Variants in SLC7A11 observed in about 807,000 individuals in gnomAD.
SLC7A11 encodes the protein solute carrier family 7 member 11.
SLC7A11 carries 35 observed loss-of-function variants against 54.5 expected under a neutral mutation model. The ratio of observed to expected loss-of-function variants is 0.64; its 90% confidence interval spans 0.49 to 0.85. The LOEUF (loss-of-function observed/expected upper bound fraction) is 0.85. Ranked by LOEUF, SLC7A11 falls within the 40% of genes least tolerant of loss-of-function variation. SLC7A11 has a pLI of 0.00. For missense variants in SLC7A11, 583 were observed against 618.1 expected, an observed-to-expected ratio of 0.94 and a Z score of 0.60; for synonymous variants, 230 against 225.2, an observed-to-expected ratio of 1.02 and a Z score of -0.19.
intron 3 of SLC7A11, 73 bp from the exon 4 acceptor site, chr4:138,223,397 C>A: frequency 6.6e-7 from 1 of 1,516,880 alleles, no homozygotes; most frequent in Non-Finnish European, 9.1e-7. Context: ...CCTTGTTACT[C>A]AAAGGGCAAT....
At chr4:138,198,919 A>C (rs1384853446) in intron 6 of SLC7A11, among the ~76,000 whole-genome samples, 1 of 152,134 alleles carries the variant, frequency 6.6e-6, no homozygotes, top group Non-Finnish European at 1.5e-5. Context: ...ATAAAATGAC[A>C]TGAAATGAAG....
At chr4:138,205,507 T>C (rs934707615) in intron 6 of SLC7A11, among the ~76,000 whole-genome samples, 1 of 152,216 alleles carries the variant, frequency 6.6e-6, no homozygotes, top group Non-Finnish European at 1.5e-5. Context: ...GCATCTTGTC[T>C]CTACCCTTAG....
In SLC7A11 at chr4:138,197,735, G is replaced by A. The variant is rs1208199256; in HGVS notation, c.792-12491C>T. On this transcript the variant is annotated intron_variant, in intron 6 of 11. Coordinates refer to ENST00000280612, the MANE Select transcript of SLC7A11 (RefSeq NM_014331.4). ...GTTATACTCAATGTTGACTTATTCA[G>A]AGAAAAATAATAATAATTGAGGCTA... 2.0e-5 allele frequency among the ~76,000 whole-genome samples: 3 copies of A among 151,814 alleles called. No individual in the cohort carries two copies. In the East Asian group the frequency reaches 5.8e-4, roughly 29 times the overall value.
chr4:138,233,172 T>G (rs1738122416), intron 2 of SLC7A11, among the ~76,000 whole-genome samples: 1 of 149,668 alleles, frequency 6.7e-6, no homozygotes, highest in South Asian at 2.1e-4. Context: ...TGCAAGTCTG[T>G]GCAATTATCT....
chr4:138,191,507 G>A (rs1737012987), intron 6 of SLC7A11, among the ~76,000 whole-genome samples: 1 of 152,062 alleles, frequency 6.6e-6, no homozygotes, highest in East Asian at 1.9e-4. Flanking sequence ...ATGCATAAAG[G>A]AAGGAGAAAA....
At chr4:138,197,912 A>G (rs1172224233) in intron 6 of SLC7A11, among the ~76,000 whole-genome samples, 1 of 150,902 alleles carries the variant, frequency 6.6e-6, no homozygotes, top group African/African-American at 2.4e-5. Flanking sequence ...TATTATTATA[A>G]TGACAAGTAT....
intron 11 of SLC7A11, chr4:138,176,861 T>C (rs1291884314): frequency 6.6e-6 from 1 of 152,136 alleles, no homozygotes; most frequent in East Asian, 1.9e-4. Flanking sequence ...TGGTATTTAA[T>C]AAGATCCCTT....
At chr4:138,241,369 G>T (rs1738372092) in intron 1 of SLC7A11, among the ~76,000 whole-genome samples, 1 of 152,128 alleles carries the variant, frequency 6.6e-6, no homozygotes, top group Admixed American at 6.6e-5. Flanking sequence ...GACTTCTGCT[G>T]AACACTCCGT....
intron 2 of SLC7A11, among the ~76,000 whole-genome samples, chr4:138,233,573 T>G (rs1738134636): frequency 6.6e-6 from 1 of 152,120 alleles, no homozygotes; most frequent in South Asian, 2.1e-4. Context: ...CCATAGATTA[T>G]CAGAAAACCA....
At chr4:138,229,204 C>T (rs1055350044) in intron 3 of SLC7A11, among the ~76,000 whole-genome samples, 1 of 152,190 alleles carries the variant, frequency 6.6e-6, no homozygotes, top group Non-Finnish European at 1.5e-5. Flanking sequence ...TCTTGGTTAA[C>T]CTTCCACCCC....
intron 1 of SLC7A11, among the ~76,000 whole-genome samples, chr4:138,240,548 AG>A (rs1738351025): frequency 7.4e-6 from 1 of 135,286 alleles, no homozygotes; most frequent in Non-Finnish European, 1.6e-5. Context: ...GCCTGGGCAA[AG>A]AGCGAGTCTC....
rs1322618177 is a variant in SLC7A11 at position 138,179,199 on chromosome 4, A to C, written c.1444+18T>G. On this transcript the variant is annotated intron_variant, in intron 11 of 11. Transcript: ENST00000280612. ...ACATGGTGTTGCACAATGTCCTGAA[A>C]GTATTTAAAATTCTTACCCGACATT... 6.5e-7 allele frequency: 1 copy of C among 1,541,322 alleles called. No individual in the cohort carries two copies. The highest frequency in any genetic ancestry group is 1.1e-5 in the South Asian group (1 of 89,420).
intron 6 of SLC7A11, among the ~76,000 whole-genome samples, chr4:138,197,326 T>A (rs958710379): frequency 2.0e-5 from 3 of 152,124 alleles, no homozygotes; most frequent in Non-Finnish European, 4.4e-5. Flanking sequence ...TGTTAAGAAG[T>A]ATTCTGAAAA....
rs1194926653 is a variant in SLC7A11 at position 138,164,836 on chromosome 4, G to T, written c.*7120C>A. ...AAACCCACGATGCCCCTGAAATTCT[G>T]GGAATGGTACAAGGTCATAACTAAT... On this transcript the variant is annotated 3_prime_UTR_variant, in exon 12 of 12. Transcript: ENST00000280612. 3 of 151,982 alleles carry T rather than the reference G, an allele frequency of 2.0e-5. No individual in the cohort carries two copies. The highest frequency in any genetic ancestry group is 4.4e-5 in the Non-Finnish European group (3 of 67,992). The allele number at this position is 151,982 out of a possible 1,614,324, so 9.4% of individuals were successfully genotyped here. A position where few individuals can be genotyped will look rare whatever the true frequency, so the allele number is the denominator to read the frequency against.
intron 5 of SLC7A11, 36 bp downstream of exon 5, chr4:138,219,230 C>T (rs755267861): frequency 8.3e-7 from 1 of 1,210,410 alleles, no homozygotes. Context: ...GATTAATGAA[C>T]TACGCAAACC....
intron 5 of SLC7A11, among the ~76,000 whole-genome samples, chr4:138,214,907 G>A (rs144804527): frequency 2.5e-3 from 380 of 152,316 alleles, no homozygotes; most frequent in African/African-American, 8.9e-3. Context: ...GTGTGATACA[G>A]TGCAGGTCCA....
chr4:138,191,047 G>A (rs1329158379), intron 6 of SLC7A11, among the ~76,000 whole-genome samples: 1 of 152,088 alleles, frequency 6.6e-6, no homozygotes, highest in Non-Finnish European at 1.5e-5. Flanking sequence ...AAGAGACATA[G>A]CACATAGTTG....
intron 5 of SLC7A11, among the ~76,000 whole-genome samples, chr4:138,217,962 A>G (rs991780799): frequency 2.6e-5 from 4 of 152,258 alleles, no homozygotes; most frequent in African/African-American, 4.8e-5. Flanking sequence ...ATGCTTACAT[A>G]TAATGGTTAT....
chr4:138,237,739 T>A (rs13434884), intron 1 of SLC7A11, among the ~76,000 whole-genome samples: 295 of 9,044 alleles, frequency 0.033, no homozygotes, highest in South Asian at 0.039. Flanking sequence ...ATATATATAT[T>A]TTTTTTTTTT....
Sources: gnomAD v4.1 joint callset for allele counts (sites outside exome capture counted in the v4.1 genomes callset) on GRCh38, gnomAD v4.1.1 for gene constraint, MANE v1.5 for transcripts, NCBI Gene and HGNC (gene_info 2026-07-23, HGNC 2026-07-21) for gene names.